Variants in TLL2 observed in about 807,000 individuals in gnomAD.
TLL2 encodes the protein tolloid like 2, also known as tolloid-like protein 2.
In TLL2, 106 loss-of-function variants were observed where a neutral mutation model predicts 123.0. That is an observed-to-expected ratio of 0.86 (90% confidence interval 0.74 to 1.01). TLL2 has a LOEUF of 1.01. Among genes scored for constraint, TLL2 ranks in the 50% least tolerant of loss-of-function variants. The pLI, the probability that TLL2 is intolerant of heterozygous loss-of-function variation, is 0.00. For missense variants in TLL2, 1,332 were observed against 1,336.7 expected, an observed-to-expected ratio of 1.00 and a Z score of 0.06; for synonymous variants, 494 against 516.8, an observed-to-expected ratio of 0.96 and a Z score of 0.60.
rs1460788916 is a variant in TLL2 at position 96,513,772 on chromosome 10, C to T, written c.-87G>A. 3 of 1,348,326 alleles carry T rather than the reference C, an allele frequency of 2.2e-6. No individual in the cohort carries two copies. Among genetic ancestry groups the T allele is most frequent in the Non-Finnish European group, 2.9e-6 (3 of 1,031,876 alleles). The allele number at this position is 1,348,326 out of a possible 1,614,324, so 83.5% of individuals were successfully genotyped here. ...AGACGGCGCACACTGGGTCGGTCGG[C>T]TCCGGCCGGGACTCGGTGGTTACAC... On this transcript the variant is annotated 5_prime_UTR_variant, in exon 1 of 21. Coordinates refer to ENST00000357947, the MANE Select transcript of TLL2 (RefSeq NM_012465.4).
chr10:96,371,638 G>A (rs1364330394), intron 19 of TLL2, among the ~76,000 whole-genome samples: 1 of 152,188 alleles, frequency 6.6e-6, no homozygotes, highest in African/African-American at 2.4e-5. Flanking sequence ...CCTGAGAGCT[G>A]GGTGGTCATG....
chr10:96,473,966 G>A (rs147808364), intron 2 of TLL2, among the ~76,000 whole-genome samples: 1 of 152,276 alleles, frequency 6.6e-6, no homozygotes, highest in East Asian at 1.9e-4. Flanking sequence ...ATCGAAAAGG[G>A]TGCAAGAGGG....
In TLL2 at chr10:96,450,585, G is replaced by A. The variant is rs142335495; in HGVS notation, c.287-4417C>T. On this transcript the variant is annotated intron_variant, in intron 2 of 20. Coordinates refer to ENST00000357947, the MANE Select transcript of TLL2 (RefSeq NM_012465.4). ...CTCTCCTCCTGAGCTCACCAGGAAC[G>A]GAAGACATGGACTTGGAGACAGACA... Among the ~76,000 whole-genome samples the A allele has an allele frequency of 4.9e-3, 742 of 152,274 alleles. 9 individuals carry two copies. Among genetic ancestry groups the A allele is most frequent in the African/African-American group, 0.016 (669 of 41,550 alleles).
At position 96,366,794 on chromosome 10, in the gene TLL2, A is replaced by G. The variant is rs1846033082; in HGVS notation, c.*1294T>C. On this transcript the variant is annotated 3_prime_UTR_variant, in exon 21 of 21. Transcript: ENST00000357947. ...AACATTATTTAAAAATTATTCCAAC[A>G]TAAATACTCTTTTAAAGCTAACATA... 1 of 152,676 alleles carries G rather than the reference A, an allele frequency of 6.5e-6. No homozygotes were observed. The highest frequency in any genetic ancestry group is 6.5e-5 in the Admixed American group (1 of 15,290). 9.5% of individuals were successfully genotyped at this position (152,676 alleles called of 1,614,324 possible).
chr10:96,412,104 C>T (rs544283038), intron 8 of TLL2, among the ~76,000 whole-genome samples: 5 of 152,218 alleles, frequency 3.3e-5, no homozygotes, highest in South Asian at 2.1e-4. Flanking sequence ...TAAGGTTTCC[C>T]GTTCAATTCA....
chr10:96,513,382 G>T, intron 1 of TLL2, 129 bp downstream of exon 1: 3 of 1,186,386 alleles, frequency 2.5e-6, no homozygotes, highest in East Asian at 2.7e-5. Context: ...ATTGTCTTCC[G>T]GGGGAGCCGG....
In TLL2 at chr10:96,480,721, T is replaced by C. The variant is rs746614292; in HGVS notation, c.176-262A>G. On this transcript the variant is annotated intron_variant, in intron 1 of 20. Coordinates refer to ENST00000357947, the MANE Select transcript of TLL2 (RefSeq NM_012465.4). ...GTAAGGTATTTTGAAAGGTCACCTG[T>C]CTTGTCCTCGCTCTAGGCAGCTCTG... Among the ~76,000 whole-genome samples, 4 of 152,208 alleles carry C rather than the reference T, an allele frequency of 2.6e-5. No homozygotes were observed. The South Asian group carries it at 8.3e-4, about 32-fold the overall frequency.
intron 5 of TLL2, among the ~76,000 whole-genome samples, chr10:96,423,260 A>G (rs1462012821): frequency 1.3e-5 from 2 of 152,154 alleles, no homozygotes; most frequent in African/African-American, 4.8e-5. Context: ...GTGGTTATGA[A>G]TCTTCTTGAA....
At chr10:96,487,472 C>G (rs1467935109) in intron 1 of TLL2, among the ~76,000 whole-genome samples, 1 of 152,186 alleles carries the variant, frequency 6.6e-6, no homozygotes, top group Non-Finnish European at 1.5e-5. Context: ...ATTAACCAGA[C>G]AGCGGGGGCT....
intron 1 of TLL2, among the ~76,000 whole-genome samples, chr10:96,489,110 G>A (rs1006027690): frequency 6.6e-6 from 1 of 152,212 alleles, no homozygotes; most frequent in Non-Finnish European, 1.5e-5. Flanking sequence ...CAACCCTCAT[G>A]GCACACATTT....
At chr10:96,500,819 AG>A (rs753724191) in intron 1 of TLL2, among the ~76,000 whole-genome samples, 1 of 143,318 alleles carries the variant, frequency 7.0e-6, no homozygotes, top group African/African-American at 2.6e-5. Context: ...GGAGGGAGGG[AG>A]GGGAGAGATT....
At chr10:96,450,462 C>A (rs1405817156) in intron 2 of TLL2, among the ~76,000 whole-genome samples, 1 of 152,018 alleles carries the variant, frequency 6.6e-6, no homozygotes. Context: ...TAAAGAGTTC[C>A]CCAGGTGATT....
intron 9 of TLL2, 66 bp downstream of exon 9, chr10:96,410,293 G>A (rs1846487804): frequency 8.4e-7 from 1 of 1,190,046 alleles, no homozygotes; most frequent in South Asian, 1.3e-5. Flanking sequence ...TTAACAATAA[G>A]AACTCCTCCC....
At chr10:96,488,237 G>A (rs1457372503) in intron 1 of TLL2, among the ~76,000 whole-genome samples, 1 of 152,236 alleles carries the variant, frequency 6.6e-6, no homozygotes, top group African/African-American at 2.4e-5. Context: ...AGTGTGATGT[G>A]TAGTGAGCTA....
Position 96,365,974 on chromosome 10 carries a change from T to C in TLL2, c.*2114A>G, listed in dbSNP as rs571560618. 6.6e-6 allele frequency: 1 copy of C among 152,394 alleles called. No individual in the cohort carries two copies. Among genetic ancestry groups the C allele is most frequent in the East Asian group, 1.9e-4 (1 of 5,192 alleles). 9.4% of individuals were successfully genotyped at this position (152,394 alleles called of 1,614,324 possible). A position where few individuals can be genotyped will look rare whatever the true frequency, so the allele number is the denominator to read the frequency against. ...CCTGCTGAGCAGCACCAACTCTGTT[T>C]CTGACTCCCTCCCACTTTTCTATGA... is the stretch of plus-strand genomic sequence containing the variant. On this transcript the variant is annotated 3_prime_UTR_variant, in exon 21 of 21. Coordinates refer to ENST00000357947, the MANE Select transcript of TLL2 (RefSeq NM_012465.4).
intron 10 of TLL2, among the ~76,000 whole-genome samples, chr10:96,404,312 T>C (rs61234751): frequency 0.14 from 20,964 of 152,188 alleles, 1,504 homozygotes; most frequent in South Asian, 0.17. Context: ...ACCTGCCCAC[T>C]GTGTCTCACT....
chr10:96,427,582 G>A (rs144483976), intron 5 of TLL2, among the ~76,000 whole-genome samples: 1 of 152,120 alleles, frequency 6.6e-6, no homozygotes. Context: ...AAGTGTCTCA[G>A]CTTTTAACAT....
rs1218091057 is a variant in TLL2 at position 96,421,026 on chromosome 10, C to T, written c.853G>A (p.Glu285Lys). The change falls in exon 7 of 21, where the codon GAA (glutamate) becomes AAA (lysine). Residue 285 changes from glutamate (E) to lysine (K), a missense_variant. Coordinates refer to ENST00000357947, the MANE Select transcript of TLL2 (RefSeq NM_012465.4). ...EYNFLKMEAG[E>K]VSSLGETYDF... ...TATGTCTCTCCCAGAGAGCTCACTT[C>T]CCCAGCTTCCATTTTTAAGAAATTA... is the stretch of plus-strand genomic sequence containing the variant. 6.2e-7 allele frequency: 1 copy of T among 1,614,038 alleles called. No homozygotes were observed. Among genetic ancestry groups the T allele is most frequent in the South Asian group, 1.1e-5 (1 of 91,070 alleles).
intron 2 of TLL2, among the ~76,000 whole-genome samples, chr10:96,467,940 A>G (rs1847145239): frequency 6.6e-6 from 1 of 152,168 alleles, no homozygotes; most frequent in African/African-American, 2.4e-5. Context: ...CCCAAGTTCC[A>G]TGTATTAAGA....
Sources: gnomAD v4.1 joint callset for allele counts (sites outside exome capture counted in the v4.1 genomes callset) on GRCh38, gnomAD v4.1.1 for gene constraint, MANE v1.5 for transcripts, NCBI Gene and HGNC (gene_info 2026-07-23, HGNC 2026-07-21) for gene names.